The following CDK13 variants were observed in gnomAD, a reference collection of about 807,000 sequenced individuals.
CDK13 encodes the protein cyclin dependent kinase 13.
A neutral mutation model predicts 137.6 loss-of-function variants in CDK13; 40 were observed. That is an observed-to-expected ratio of 0.29 (90% CI 0.23 to 0.38). The LOEUF (loss-of-function observed/expected upper bound fraction) is 0.38. Among genes scored for constraint, CDK13 ranks in the 10% least tolerant of loss-of-function variants. The pLI is 1.00. For missense variants in CDK13, 1,704 were observed against 1,951.8 expected, an observed-to-expected ratio of 0.87 and a Z score of 2.39; for synonymous variants, 869 against 760.1, an observed-to-expected ratio of 1.14 and a Z score of -2.36.
intron 5 of CDK13, among the ~76,000 whole-genome samples, chr7:40,030,520 C>T (rs570787842): frequency 1.6e-4 from 24 of 150,090 alleles, no homozygotes; most frequent in Non-Finnish European, 3.2e-4. Context: ...GCAACCTCAG[C>T]CTCCTGAGCA....
intron 7 of CDK13, 40 bp downstream of exon 7, chr7:40,047,917 T>C: frequency 3.9e-6 from 5 of 1,286,300 alleles, no homozygotes; most frequent in Non-Finnish European, 5.7e-6. Context: ...ATACTAGAGT[T>C]TAGTATTAGA....
chr7:40,018,383 T>G (rs1336807429), intron 5 of CDK13, among the ~76,000 whole-genome samples: 1 of 142,610 alleles, frequency 7.0e-6, no homozygotes, highest in Non-Finnish European at 1.5e-5. Context: ...TCTGCAATTG[T>G]ATTTTTGGAA....
chr7:39,975,058 C>T (rs1784077737), intron 1 of CDK13, among the ~76,000 whole-genome samples: 1 of 151,578 alleles, frequency 6.6e-6, no homozygotes, highest in Admixed American at 6.6e-5. Flanking sequence ...GATTCCAAGT[C>T]ATTGCAGAAG....
intron 5 of CDK13, among the ~76,000 whole-genome samples, chr7:40,005,416 A>G (rs748367002): frequency 2.0e-5 from 3 of 151,740 alleles, no homozygotes; most frequent in Non-Finnish European, 4.4e-5. Context: ...CAGCCTTCCA[A>G]GTAGCCAGCA....
intron 2 of CDK13, among the ~76,000 whole-genome samples, chr7:39,988,536 C>A (rs1784389750): frequency 6.6e-6 from 1 of 151,908 alleles, no homozygotes; most frequent in Non-Finnish European, 1.5e-5. Flanking sequence ...TGCCAGTATT[C>A]TCTTTGGTTT....
chr7:39,960,087 T>C (rs1787560366), intron 1 of CDK13, among the ~76,000 whole-genome samples: 1 of 151,708 alleles, frequency 6.6e-6, no homozygotes, highest in Non-Finnish European at 1.5e-5. Flanking sequence ...TTTTTTTTTT[T>C]TTTCCAGTGG....
chr7:39,995,030 C>G (rs1025996016), intron 2 of CDK13, among the ~76,000 whole-genome samples: 1 of 151,668 alleles, frequency 6.6e-6, no homozygotes, highest in Non-Finnish European at 1.5e-5. Context: ...TCTTTTCATT[C>G]GTTCAGATCT....
At chr7:40,032,118 GT>G (rs2150505660) in intron 5 of CDK13, among the ~76,000 whole-genome samples, 1 of 152,022 alleles carries the variant, frequency 6.6e-6, no homozygotes, top group South Asian at 2.1e-4. Flanking sequence ...GTGCAGTGGT[GT>G]GACTTTGGTT....
chr7:39,951,358 C>A lies in CDK13; in HGVS notation c.717C>A (p.Gly239=), dbSNP rs1244391782. The change falls in exon 1 of 14, where the codon GGC becomes GGA. Residue 239 remains glycine, a synonymous_variant. Transcript: ENST00000181839. ...SKSRSRHSHS[G]EERAEVAKSG... ...CCCGCAGCCGCCACAGCCACAGCGG[C>A]GAGGAACGGGCCGAGGTCGCCAAGA... 2 of 1,497,666 alleles carry A rather than the reference C, an allele frequency of 1.3e-6. No individual in the cohort carries two copies. The highest frequency in any genetic ancestry group is 1.8e-6 in the Non-Finnish European group (2 of 1,130,048). 92.8% of individuals were successfully genotyped at this position (1,497,666 alleles called of 1,614,324 possible).
chr7:40,063,431 T>C (rs941536329), intron 9 of CDK13, among the ~76,000 whole-genome samples: 1 of 152,144 alleles, frequency 6.6e-6, no homozygotes, highest in Non-Finnish European at 1.5e-5. Context: ...AGATACATAT[T>C]TTTTAATTAT....
At chr7:39,976,323 T>TCTCTCTCTCTCTCTCTCACACACACA in intron 1 of CDK13, among the ~76,000 whole-genome samples, 34 of 39,564 alleles carry the variant, frequency 8.6e-4, no homozygotes, top group Non-Finnish European at 1.4e-3. Context: ...TCTCTCTCTC[T>TCTCTCTCTCTCTCTCTCACACACACA]CACACACACA....
intron 11 of CDK13, among the ~76,000 whole-genome samples, chr7:40,082,690 C>G (rs942410953): frequency 6.7e-6 from 1 of 149,698 alleles, no homozygotes; most frequent in African/African-American, 2.5e-5. Flanking sequence ...ACTCAGAAGG[C>G]TGAGGCAGGA....
chr7:39,957,248 C>G (rs1204436113), intron 1 of CDK13, among the ~76,000 whole-genome samples: 1 of 141,130 alleles, frequency 7.1e-6, no homozygotes, highest in Non-Finnish European at 1.6e-5. Context: ...GTGTGTCCAG[C>G]CTTAAATCCC....
At chr7:40,024,678 T>TTTTTTTTTTTTTTTTTTTTTC (rs1356189748) in intron 5 of CDK13, among the ~76,000 whole-genome samples, 1 of 93,066 alleles carries the variant, frequency 1.1e-5, no homozygotes. Context: ...TTTTTTTTTT[T>TTTTTTTTTTTTTTTTTTTTTC]CCTGAGACAG....
chr7:39,991,804 G>A (rs1405240713), intron 2 of CDK13, among the ~76,000 whole-genome samples: 13 of 151,984 alleles, frequency 8.6e-5, no homozygotes, highest in Admixed American at 8.5e-4. Flanking sequence ...AGTGTAATAA[G>A]CACTTTGGGA....
chr7:39,995,440 T>G (rs1410979691), intron 2 of CDK13, among the ~76,000 whole-genome samples: 1 of 152,206 alleles, frequency 6.6e-6, no homozygotes, highest in East Asian at 1.9e-4. Context: ...GTGATACCTT[T>G]TCTAGAAAGA....
chr7:39,973,128 C>T (rs1467920990), intron 1 of CDK13, among the ~76,000 whole-genome samples: 1 of 152,030 alleles, frequency 6.6e-6, no homozygotes, highest in Non-Finnish European at 1.5e-5. Context: ...AATCTCTTGT[C>T]CACCCCCACT....
intron 5 of CDK13, among the ~76,000 whole-genome samples, chr7:40,013,793 GA>G (rs1313731607): frequency 6.6e-6 from 1 of 151,966 alleles, no homozygotes; most frequent in African/African-American, 2.4e-5. Context: ...GTTATTTAAG[GA>G]AAAAAACGAT....
chr7:40,067,496 A>G (rs1277813480), intron 9 of CDK13: 1 of 152,304 alleles, frequency 6.6e-6, no homozygotes, highest in Non-Finnish European at 1.5e-5. Context: ...GTCAGCCAAG[A>G]TCGCACCACT....
Sources: allele counts gnomAD v4.1 joint callset (sites outside exome capture counted in the v4.1 genomes callset), GRCh38; gene constraint gnomAD v4.1.1; transcripts MANE v1.5; gene names NCBI Gene and HGNC (gene_info 2026-07-23, HGNC 2026-07-21).